TBC1D4: variants seen among roughly 807,000 people sequenced by gnomAD.
The protein encoded by TBC1D4 is TBC (Tre-2, BUB2, CDC16) domain-containing protein.
Under a neutral mutation model 142.5 loss-of-function variants are expected in TBC1D4, and 121 were observed. The observed-to-expected ratio is 0.85, with a 90% CI of 0.73 to 0.99. TBC1D4 has a LOEUF of 0.99. TBC1D4 is among the 50% of genes least tolerant of loss of function. The pLI is 0.00. For missense variants in TBC1D4, 1,475 were observed against 1,606.6 expected, an observed-to-expected ratio of 0.92 and a Z score of 1.40; for synonymous variants, 630 against 628.2, an observed-to-expected ratio of 1.00 and a Z score of -0.04.
intron 20 of TBC1D4, among the ~76,000 whole-genome samples, chr13:75,287,236 A>G (rs1874780685): frequency 6.6e-6 from 1 of 152,174 alleles, no homozygotes; most frequent in Admixed American, 6.5e-5. Context: ...TGAACACACG[A>G]ATAATTCAAT....
chr13:75,436,408 C>A (rs1288658270), intron 1 of TBC1D4, among the ~76,000 whole-genome samples: 1 of 152,130 alleles, frequency 6.6e-6, no homozygotes. Flanking sequence ...CAAATCCCAG[C>A]ACTTTGGGAG....
chr13:75,339,884 T>C (rs1203604794), intron 7 of TBC1D4, among the ~76,000 whole-genome samples: 1 of 152,154 alleles, frequency 6.6e-6, no homozygotes, highest in African/African-American at 2.4e-5. Flanking sequence ...AAAAGTACAG[T>C]TCCTCAACTG....
intron 9 of TBC1D4, 145 bp from the exon 10 acceptor site, chr13:75,326,568 T>C (rs745991912): frequency 3.1e-5 from 26 of 838,500 alleles, no homozygotes; most frequent in Non-Finnish European, 5.1e-5. Flanking sequence ...TTACTTAATT[T>C]ATGCCGTAGG....
intron 1 of TBC1D4, among the ~76,000 whole-genome samples, chr13:75,406,453 T>C (rs929042221): frequency 1.3e-5 from 2 of 152,126 alleles, no homozygotes; most frequent in Non-Finnish European, 2.9e-5. Flanking sequence ...AGACGGCACA[T>C]TGCATGGTTT....
intron 1 of TBC1D4, among the ~76,000 whole-genome samples, chr13:75,425,186 C>T (rs764281393): frequency 6.6e-6 from 1 of 151,760 alleles, no homozygotes; most frequent in Non-Finnish European, 1.5e-5. Context: ...TGGACCTGAA[C>T]AAACATTTCT....
At chr13:75,302,615 C>T (rs565187) in intron 15 of TBC1D4, 12,876 of 600,628 alleles carry the variant, frequency 0.021, 744 homozygotes, top group East Asian at 0.13. Context: ...GCAACACTTA[C>T]GATAATGACA....
intron 14 of TBC1D4, among the ~76,000 whole-genome samples, chr13:75,308,432 G>T (rs1340309032): frequency 6.6e-6 from 1 of 152,140 alleles, no homozygotes; most frequent in Non-Finnish European, 1.5e-5. Context: ...CTGCCAGTAT[G>T]TCACTATTTG....
Position 75,356,199 on chromosome 13 carries a change from GGCTCTGGAGACTCCCGGCAGATAAA to G in TBC1D4, c.1198_1222del (p.Phe400LeufsTer22). On this transcript the variant is annotated frameshift_variant, in exon 4 of 21. Transcript: ENST00000377636. LOFTEE classifies it high-confidence loss of function. ...ATAACAAATATACTGGCTAAGTCCA[GGCTCTGGAGACTCCCGGCAGATAAA>G]GCCAAAGTGATCCACATGCTTTATA... 1 of 1,613,782 alleles carries G rather than the reference GGCTCTGGAGACTCCCGGCAGATAAA, an allele frequency of 6.2e-7. No homozygotes were observed. Among genetic ancestry groups the G allele is most frequent in the East Asian group, 2.2e-5 (1 of 44,884 alleles).
At chr13:75,446,199 T>C (rs559801382) in intron 1 of TBC1D4, among the ~76,000 whole-genome samples, 1 of 152,220 alleles carries the variant, frequency 6.6e-6, no homozygotes, top group Non-Finnish European at 1.5e-5. Flanking sequence ...ATGCTACCCA[T>C]ATGCTATTTG....
intron 4 of TBC1D4, 146 bp from the exon 5 acceptor site, chr13:75,349,448 C>T (rs2274759): frequency 0.022 from 24,384 of 1,118,842 alleles, 466 homozygotes; most frequent in East Asian, 0.1. Flanking sequence ...AGAGAAAATA[C>T]TAAGTCTTGG....
chr13:75,377,068 T>A (rs1043386214), intron 1 of TBC1D4, among the ~76,000 whole-genome samples: 8 of 152,226 alleles, frequency 5.3e-5, no homozygotes, highest in African/African-American at 1.4e-4. Flanking sequence ...AGCCATAATA[T>A]AAATTTTTCT....
chr13:75,384,042 T>C (rs565581258), intron 1 of TBC1D4, among the ~76,000 whole-genome samples: 25 of 151,994 alleles, frequency 1.6e-4, no homozygotes, highest in Non-Finnish European at 3.2e-4. Flanking sequence ...AGTTAATGAG[T>C]GCAGCACACC....
chr13:75,294,364 C>T (rs1203021409), intron 18 of TBC1D4, among the ~76,000 whole-genome samples: 1 of 152,182 alleles, frequency 6.6e-6, no homozygotes, highest in African/African-American at 2.4e-5. Flanking sequence ...AGAAGAGTCA[C>T]ATGAGCAATG....
intron 1 of TBC1D4, among the ~76,000 whole-genome samples, chr13:75,453,091 T>C (rs1887595617): frequency 3.9e-5 from 6 of 152,110 alleles, no homozygotes; most frequent in Admixed American, 3.9e-4. Flanking sequence ...TCTGTGAGGT[T>C]TATTCTTCAT....
intron 20 of TBC1D4, 33 bp downstream of exon 20, chr13:75,288,901 A>G (rs1874966294): frequency 6.2e-7 from 1 of 1,606,728 alleles, no homozygotes; most frequent in Non-Finnish European, 8.5e-7. Flanking sequence ...GAGGCATTGA[A>G]GTACTTATTT....
Position 75,362,211 on chromosome 13 carries a change from G to T in TBC1D4, c.895C>A (p.Arg299=), listed in dbSNP as rs1466208842. Residue 299 remains arginine (R), a synonymous_variant, in exon 2 of 21, where the codon CGG becomes AGG. Coordinates refer to ENST00000377636, the MANE Select transcript of TBC1D4 (RefSeq NM_014832.5). The surrounding 1 kb of genome is among the most constrained non-coding windows in gnomAD (Gnocchi z 4.2). ...TCAAAGCCAGAATCTTCCAAAATCC[G>T]CTCAGGGAAGCAGACCCGAGAGCTG... The part of the protein sequence containing the change: ...LTSSRVCFPE[R]ILEDSGFDEQ... 3 of 1,613,638 alleles carry T rather than the reference G, an allele frequency of 1.9e-6. No homozygotes were observed. In the African/African-American group the frequency reaches 4.0e-5, roughly 22 times the overall value.
intron 20 of TBC1D4, among the ~76,000 whole-genome samples, chr13:75,287,759 A>C (rs485286): frequency 0.3 from 46,053 of 152,084 alleles, 8,228 homozygotes; most frequent in African/African-American, 0.49. Flanking sequence ...ACTACTTTAG[A>C]GATCCCTCAT....
chr13:75,369,766 T>G (rs1390445698), intron 1 of TBC1D4, among the ~76,000 whole-genome samples: 1 of 152,162 alleles, frequency 6.6e-6, no homozygotes, highest in Non-Finnish European at 1.5e-5. Context: ...GACACAGTGC[T>G]GCGACAATGA....
chr13:75,428,539 T>C (rs924017006), intron 1 of TBC1D4, among the ~76,000 whole-genome samples: 2 of 152,230 alleles, frequency 1.3e-5, no homozygotes, highest in Non-Finnish European at 1.5e-5. Context: ...TAATTTCCTT[T>C]AGCTCTTATG....
Sources: allele counts gnomAD v4.1 joint callset (sites outside exome capture counted in the v4.1 genomes callset), GRCh38; gene constraint gnomAD v4.1.1; non-coding constraint Gnocchi (gnomAD v3.1); transcripts MANE v1.5; gene names NCBI Gene and HGNC (gene_info 2026-07-23, HGNC 2026-07-21).